Variants in NAV2 observed in about 807,000 individuals in gnomAD.
NAV2 encodes helicase, APC down-regulated 1.
In NAV2, 54 loss-of-function variants were observed where a neutral mutation model predicts 223.2. That is an observed-to-expected ratio of 0.24 (90% CI 0.19 to 0.30). The LOEUF (loss-of-function observed/expected upper bound fraction) is 0.30. Ranked by LOEUF, NAV2 falls within the 10% of genes least tolerant of loss-of-function variation. The pLI, the probability that NAV2 is intolerant of heterozygous loss-of-function variation, is 1.00. For missense variants in NAV2, 2,806 were observed against 3,147.5 expected, an observed-to-expected ratio of 0.89 and a Z score of 2.60; for synonymous variants, 1,279 against 1,239.3, an observed-to-expected ratio of 1.03 and a Z score of -0.67.
intron 1 of NAV2, among the ~76,000 whole-genome samples, chr11:19,550,692 AT>A (rs2044662820): frequency 6.6e-6 from 1 of 152,196 alleles, no homozygotes; most frequent in Non-Finnish European, 1.5e-5. Flanking sequence ...GCCCTGTGAT[AT>A]TGCCCACTCC....
In NAV2 at chr11:20,055,751, C is replaced by T; in HGVS notation, c.4643-18C>T. The T allele has an allele frequency of 6.2e-7, 1 of 1,609,768 alleles. No homozygotes were observed. The highest frequency in any genetic ancestry group is 8.5e-7 in the Non-Finnish European group (1 of 1,176,872). ...GACATGAATGTCTAACCTTTTGATT[C>T]TATTCCTTTTATTCCAGCGAGTCCC... is the stretch of plus-strand genomic sequence containing the variant. On this transcript the variant is annotated intron_variant, in intron 18 of 37. Coordinates refer to ENST00000349880, the MANE Select transcript of NAV2 (RefSeq NM_145117.5).
chr11:19,754,183 C>T (rs1415593330), intron 1 of NAV2, among the ~76,000 whole-genome samples: 2 of 152,132 alleles, frequency 1.3e-5, no homozygotes, highest in Non-Finnish European at 2.9e-5. Context: ...CCCTTCCTCC[C>T]AACTTTTCCC....
chr11:19,768,368 T>A (rs940992615), intron 1 of NAV2, among the ~76,000 whole-genome samples: 3 of 151,904 alleles, frequency 2.0e-5, no homozygotes, highest in African/African-American at 7.3e-5. Context: ...TTGCCTAATA[T>A]CAGTCAGCGA....
chr11:19,538,953 G>C (rs867692108), intron 1 of NAV2, among the ~76,000 whole-genome samples: 1 of 151,578 alleles, frequency 6.6e-6, no homozygotes, highest in Non-Finnish European at 1.5e-5. Context: ...ACTTTGTCTT[G>C]TTCAATACAA....
At chr11:19,854,907 A>G (rs568780954) in intron 3 of NAV2, among the ~76,000 whole-genome samples, 3 of 152,326 alleles carry the variant, frequency 2.0e-5, no homozygotes, top group African/African-American at 7.2e-5. Flanking sequence ...AGAGGGCAGG[A>G]AAAATGACCA....
In NAV2 at chr11:20,118,375, G is replaced by C; in HGVS notation, c.*117G>C. ...CCCCAGCCACAGCCTTAGAGCTGCGGGAACACCGAGACCCCCCGTCCTTCA... is the reference window on the plus strand; with the variant it reads ...CCCCAGCCACAGCCTTAGAGCTGCGCGAACACCGAGACCCCCCGTCCTTCA... On this transcript the variant is annotated 3_prime_UTR_variant, in exon 38 of 38. Coordinates refer to ENST00000349880, the MANE Select transcript of NAV2 (RefSeq NM_145117.5). 8.2e-7 allele frequency: 1 copy of C among 1,224,762 alleles called. No individual in the cohort carries two copies. The highest frequency in any genetic ancestry group is 2.0e-5 in the Admixed American group (1 of 48,998). 75.9% of individuals were successfully genotyped at this position (1,224,762 alleles called of 1,614,324 possible).
chr11:19,705,536 G>A (rs559104809), intron 1 of NAV2, among the ~76,000 whole-genome samples: 2 of 152,254 alleles, frequency 1.3e-5, no homozygotes, highest in Middle Eastern at 3.4e-3. Context: ...CAAGGGTGAT[G>A]GGGAAGAGGC....
chr11:19,927,364 C>T (rs1239815005), intron 6 of NAV2, among the ~76,000 whole-genome samples: 1 of 152,162 alleles, frequency 6.6e-6, no homozygotes, highest in Non-Finnish European at 1.5e-5. Context: ...GGAAGATCAC[C>T]TGAAGTCAGG....
chr11:19,953,450 C>A lies in NAV2; in HGVS notation c.2645+4370C>A, dbSNP rs998028511. Among the ~76,000 whole-genome samples, 6 of 144,698 alleles carry A rather than the reference C, an allele frequency of 4.1e-5. No homozygotes were observed. The East Asian group carries it at 1.2e-3, about 28-fold the overall frequency. 94.9% of individuals were successfully genotyped at this position (144,698 alleles called of 152,430 possible). On this transcript the variant is annotated intron_variant, in intron 10 of 37. Transcript: ENST00000349880. ...AAAGCTGGTTCCTGCATTTGCAAAG[C>A]CCTGCCTCTGGTTCCTGCATTTGCA...
At chr11:19,823,835 G>A (rs1467122799) in intron 1 of NAV2, among the ~76,000 whole-genome samples, 1 of 152,086 alleles carries the variant, frequency 6.6e-6, no homozygotes, top group Non-Finnish European at 1.5e-5. Context: ...GTTGATGGGT[G>A]CAGCAAACCA....
In NAV2 at chr11:19,733,329, G is replaced by A. The variant is rs116270184; in HGVS notation, c.267+19367G>A. 4.1e-3 allele frequency among the ~76,000 whole-genome samples: 627 copies of A among 152,354 alleles called. 6 individuals carry two copies. The highest frequency in any genetic ancestry group is 0.014 in the African/African-American group (597 of 41,586). On this transcript the variant is annotated intron_variant, in intron 1 of 37. Transcript: ENST00000349880. Reference sequence around the variant, plus strand: ...TTTCAAATGAGTAAGATGAGATAGAGAAGTTGACTGATTTGATCTAGGTCA... The same window carrying A: ...TTTCAAATGAGTAAGATGAGATAGAAAAGTTGACTGATTTGATCTAGGTCA...
chr11:19,422,339 C>G (rs982108151), intron 1 of NAV2, among the ~76,000 whole-genome samples: 1 of 152,156 alleles, frequency 6.6e-6, no homozygotes, highest in Non-Finnish European at 1.5e-5. Context: ...TTTTAAGAGG[C>G]CTTCATGCGT....
chr11:19,511,927 CTGT>C (rs2043291992), intron 1 of NAV2, among the ~76,000 whole-genome samples: 1 of 152,236 alleles, frequency 6.6e-6, no homozygotes, highest in South Asian at 2.1e-4. Flanking sequence ...AACCAAACGC[CTGT>C]CCAAAGACTG....
intron 1 of NAV2, among the ~76,000 whole-genome samples, chr11:19,487,093 C>T (rs890840151): frequency 1.5e-4 from 23 of 152,174 alleles, no homozygotes. Context: ...CCTCACTGGG[C>T]CTCTTTATCT....
Position 19,689,125 on chromosome 11 carries a change from C to T in NAV2, c.76-143359C>T, listed in dbSNP as rs142516639. Among the ~76,000 whole-genome samples, 531 of 152,230 alleles carry T rather than the reference C, an allele frequency of 3.5e-3. 3 individuals are homozygous for T. Among genetic ancestry groups the T allele is most frequent in the African/African-American group, 0.012 (493 of 41,542 alleles). The stretch of plus-strand genomic sequence containing the variant: ...ATGTGGCCCTTCTCAGTATTCCATT[C>T]TTGGCTGCCCTGGTCAAGGCAAAGT... On this transcript the variant is annotated intron_variant, in intron 1 of 37. Coordinates refer to the NAV2 transcript ENST00000360655.
At chr11:19,512,817 C>G (rs1328684322) in intron 1 of NAV2, among the ~76,000 whole-genome samples, 1 of 152,160 alleles carries the variant, frequency 6.6e-6, no homozygotes, top group Admixed American at 6.5e-5. Flanking sequence ...CCAGACTATG[C>G]AGATCAGCAC....
chr11:19,954,962 T>C (rs1256942427), intron 10 of NAV2, among the ~76,000 whole-genome samples: 2 of 49,696 alleles, frequency 4.0e-5, no homozygotes, highest in Admixed American at 3.8e-4. Flanking sequence ...CATATATATA[T>C]ACATATACAC....
intron 3 of NAV2, among the ~76,000 whole-genome samples, chr11:19,846,182 C>T (rs1168150925): frequency 1.3e-5 from 2 of 152,164 alleles, no homozygotes; most frequent in Non-Finnish European, 2.9e-5. Context: ...GGCATGGAAC[C>T]CATTTCTGGA....
intron 11 of NAV2, among the ~76,000 whole-genome samples, chr11:20,034,365 T>G (rs553366945): frequency 0.017 from 2,098 of 123,292 alleles, 59 homozygotes; most frequent in African/African-American, 0.059. Flanking sequence ...TTTTTTTGTT[T>G]TTTTTTTTTT....
Sources: gnomAD v4.1 joint callset for allele counts (sites outside exome capture counted in the v4.1 genomes callset) on GRCh38, gnomAD v4.1.1 for gene constraint, MANE v1.5 for transcripts, NCBI Gene and HGNC (gene_info 2026-07-23, HGNC 2026-07-21) for gene names.